Variants in NOXRED1 observed in about 807,000 individuals in gnomAD.
The protein encoded by NOXRED1 is NADP dependent oxidoreductase domain containing 1, also known as NADP-dependent oxidoreductase domain-containing protein 1.
NOXRED1 carries 20 observed loss-of-function variants against 30.4 expected under a neutral mutation model. That is an observed-to-expected ratio of 0.66 (90% CI 0.46 to 0.96). The LOEUF is 0.96. Among genes scored for constraint, NOXRED1 ranks in the 40% least tolerant of loss-of-function variants. NOXRED1 has a pLI of 0.00. For synonymous variants in NOXRED1, 155 were observed against 168.0 expected (o/e 0.92, Z 0.60); for missense variants, 374 against 428.0 (o/e 0.87, Z 1.11).
intron 5 of NOXRED1, among the ~76,000 whole-genome samples, chr14:77,398,944 G>A (rs2139664174): frequency 6.6e-6 from 1 of 152,092 alleles, no homozygotes; most frequent in South Asian, 2.1e-4. Flanking sequence ...ACTCCAGCCT[G>A]GGCAACAGGG....
At chr14:77,397,778 AG>A (rs1008317327) in intron 5 of NOXRED1, among the ~76,000 whole-genome samples, 1 of 151,110 alleles carries the variant, frequency 6.6e-6, no homozygotes, top group Non-Finnish European at 1.5e-5. Flanking sequence ...GCTACTCAGG[AG>A]GCAGAGGCAG....
At chr14:77,406,932 T>A (rs1894485127) in intron 3 of NOXRED1, 57 bp from the exon 4 acceptor site, 2 of 1,503,760 alleles carry the variant, frequency 1.3e-6, no homozygotes, top group African/African-American at 2.8e-5. Flanking sequence ...AATGACGACA[T>A]AACCCACTGT....
chr14:77,402,466 A>C (rs1894353415), intron 5 of NOXRED1, among the ~76,000 whole-genome samples: 2 of 152,254 alleles, frequency 1.3e-5, no homozygotes, highest in South Asian at 4.2e-4. Flanking sequence ...TCTCTATTAA[A>C]AATATATAAA....
At chr14:77,419,024 T>C (rs1025067650) in intron 1 of NOXRED1, among the ~76,000 whole-genome samples, 1 of 151,638 alleles carries the variant, frequency 6.6e-6, no homozygotes, top group African/African-American at 2.4e-5. Context: ...GGTCCAGGAG[T>C]GATGAGGTTT....
intron 2 of NOXRED1, among the ~76,000 whole-genome samples, chr14:77,410,699 A>G (rs1293694503): frequency 2.0e-5 from 3 of 152,158 alleles, no homozygotes; most frequent in Non-Finnish European, 4.4e-5. Flanking sequence ...AAATGGTCAG[A>G]AGCACCTCAG....
intron 1 of NOXRED1, among the ~76,000 whole-genome samples, chr14:77,419,092 A>C (rs919822226): frequency 2.0e-4 from 28 of 140,704 alleles, no homozygotes; most frequent in Admixed American, 5.8e-4. Context: ...TTTTCTTGAG[A>C]TAGAGTTTTG....
At chr14:77,415,536 T>G (rs1490011050) in intron 1 of NOXRED1, among the ~76,000 whole-genome samples, 1 of 149,164 alleles carries the variant, frequency 6.7e-6, no homozygotes, top group African/African-American at 2.5e-5. Context: ...ACTACTGCAC[T>G]CCAGCCTGGG....
intron 5 of NOXRED1, among the ~76,000 whole-genome samples, chr14:77,403,659 AAAAAAT>A (rs1202636010): frequency 2.6e-5 from 4 of 152,278 alleles, no homozygotes; most frequent in African/African-American, 7.2e-5. Flanking sequence ...CCCTCTATCA[AAAAAAT>A]AAAAATAAAA....
Position 77,406,209 on chromosome 14 carries a change from C to T in NOXRED1, c.683-74G>A, listed in dbSNP as rs1185784475. 12 of 1,048,254 alleles carry T rather than the reference C, an allele frequency of 1.1e-5. No individual in the cohort carries two copies. The Admixed American group carries it at 2.7e-4, about 23-fold the overall frequency. 64.9% of individuals were successfully genotyped at this position (1,048,254 alleles called of 1,614,324 possible). On this transcript the variant is annotated intron_variant, in intron 4 of 5. Coordinates refer to ENST00000380835, the MANE Select transcript of NOXRED1 (RefSeq NM_001113475.3). ...GTTGCAGAAAACCTAGAATAAACCC[C>T]TGACAGTGAATAGCCGCCTTTTTTC...
intron 3 of NOXRED1, 122 bp downstream of exon 3, chr14:77,407,340 TTCC>T (rs1463175725): frequency 1.4e-6 from 1 of 708,816 alleles, no homozygotes; most frequent in Non-Finnish European, 2.4e-6. Flanking sequence ...ATAAAGCTGC[TTCC>T]TCCTTATTAC....
At chr14:77,396,120 C>G (rs1029786004) in intron 5 of NOXRED1, among the ~76,000 whole-genome samples, 6 of 151,646 alleles carry the variant, frequency 4.0e-5, no homozygotes, top group African/African-American at 1.2e-4. Flanking sequence ...CAGAATAGTA[C>G]TAGAAGTTCT....
At chr14:77,406,634 C>CACAG (rs752577195) in intron 4 of NOXRED1, 90 bp downstream of exon 4, 48 of 474,368 alleles carry the variant, frequency 1.0e-4, no homozygotes, top group African/African-American at 6.2e-4. Context: ...CACACACACA[C>CACAG]AGAGAGAGAG....
At chr14:77,400,038 T>C (rs1040899558) in intron 5 of NOXRED1, among the ~76,000 whole-genome samples, 5 of 152,036 alleles carry the variant, frequency 3.3e-5, no homozygotes, top group African/African-American at 4.8e-5. Context: ...TTTAGGATCA[T>C]GCAAGCAAGG....
intron 4 of NOXRED1, chr14:77,406,377 C>CA: frequency 1.7e-6 from 1 of 594,816 alleles, no homozygotes; most frequent in South Asian, 2.1e-5. Flanking sequence ...TTGCTAATGG[C>CA]AAAAAGTGTC....
intron 5 of NOXRED1, among the ~76,000 whole-genome samples, chr14:77,405,387 T>C (rs1894430210): frequency 6.6e-6 from 1 of 152,164 alleles, no homozygotes; most frequent in Non-Finnish European, 1.5e-5. Flanking sequence ...AGAGCAAGAC[T>C]GTCTCACAAA....
chr14:77,413,526 C>A (rs922172600), intron 2 of NOXRED1, among the ~76,000 whole-genome samples: 5 of 152,168 alleles, frequency 3.3e-5, no homozygotes, highest in Admixed American at 2.0e-4. Flanking sequence ...CGTGAGCCAC[C>A]GCGCCCGACC....
At chr14:77,413,115 C>G (rs78719241) in intron 2 of NOXRED1, among the ~76,000 whole-genome samples, 355 of 152,242 alleles carry the variant, frequency 2.3e-3, no homozygotes, top group Admixed American at 4.6e-3. Flanking sequence ...ACCCATACCT[C>G]TCTCTCAAGA....
chr14:77,410,109 A>AT lies in NOXRED1; in HGVS notation c.350-2465dup, dbSNP rs558347412. On this transcript the variant is annotated intron_variant, in intron 2 of 5. Coordinates refer to ENST00000380835, the MANE Select transcript of NOXRED1 (RefSeq NM_001113475.3). ...TGAGCCACCATGCCCAGTTGGTAAG[A>AT]TTTTTTTTTTAGTTTCCTTAGGAAT... 2.1e-3 allele frequency among the ~76,000 whole-genome samples: 319 copies of AT among 148,768 alleles called. 12 individuals are homozygous for AT. The South Asian group carries it at 0.06, about 28-fold the overall frequency.
rs144247463 is a variant in NOXRED1 at position 77,422,713 on chromosome 14, T to C, written c.155+22A>G. ...GCAGTGAGATTCTTGTCCATCTTCCTGAATTTGGATACTCGGCTTACCTCA... is the reference window on the plus strand; with the variant it reads ...GCAGTGAGATTCTTGTCCATCTTCCCGAATTTGGATACTCGGCTTACCTCA... On this transcript the variant is annotated intron_variant, in intron 1 of 5. Transcript: ENST00000380835. The C allele has an allele frequency of 1.8e-4, 296 of 1,610,610 alleles. 1 individual carries two copies. In the East Asian group the frequency reaches 6.5e-3, roughly 36 times the overall value.
Sources: allele counts gnomAD v4.1 joint callset (sites outside exome capture counted in the v4.1 genomes callset), GRCh38; gene constraint gnomAD v4.1.1; transcripts MANE v1.5; gene names NCBI Gene and HGNC (gene_info 2026-07-23, HGNC 2026-07-21).